Variants in NR6A1 observed in about 807,000 individuals in gnomAD.
NR6A1 encodes the protein retinoic acid receptor-related testis-associated receptor.
In NR6A1, 7 loss-of-function variants were observed where a neutral mutation model predicts 59.1. The observed-to-expected ratio is 0.12, with a 90% CI of 0.07 to 0.22. The LOEUF (loss-of-function observed/expected upper bound fraction) is 0.22. Among genes scored for constraint, NR6A1 ranks in the 10% least tolerant of loss-of-function variants. The pLI, the probability that NR6A1 is intolerant of heterozygous loss-of-function variation, is 1.00. For synonymous variants in NR6A1, 243 were observed against 236.1 expected (o/e 1.03, Z -0.27); for missense variants, 468 against 611.6 (o/e 0.77, Z 2.48).
At chr9:124,768,201 T>G (rs1168270267) in intron 1 of NR6A1, among the ~76,000 whole-genome samples, 3 of 152,242 alleles carry the variant, frequency 2.0e-5, no homozygotes, top group Non-Finnish European at 2.9e-5. Flanking sequence ...TATTTCTTCA[T>G]GACAGAGACC....
At chr9:124,633,588 C>T (rs1198632076) in intron 2 of NR6A1, among the ~76,000 whole-genome samples, 5 of 151,956 alleles carry the variant, frequency 3.3e-5, no homozygotes, top group African/African-American at 1.2e-4. Flanking sequence ...TAAGCAGGGC[C>T]CCTGGTACTG....
At chr9:124,548,511 A>G (rs1233464152) in intron 3 of NR6A1, among the ~76,000 whole-genome samples, 4 of 152,198 alleles carry the variant, frequency 2.6e-5, no homozygotes, top group Non-Finnish European at 5.9e-5. Flanking sequence ...GTAAAAAAAA[A>G]AGTTCATAAG....
intron 2 of NR6A1, among the ~76,000 whole-genome samples, chr9:124,692,147 T>C (rs1588792337): frequency 6.6e-6 from 1 of 152,198 alleles, no homozygotes; most frequent in Non-Finnish European, 1.5e-5. Flanking sequence ...AGATCCCCAA[T>C]ATATGTTAAT....
intron 4 of NR6A1, among the ~76,000 whole-genome samples, chr9:124,540,640 A>T (rs1833415259): frequency 6.6e-6 from 1 of 152,142 alleles, no homozygotes; most frequent in South Asian, 2.1e-4. Flanking sequence ...CTCTACAAAA[A>T]ATAGAAAAAT....
At chr9:124,595,186 C>T (rs1369021348) in intron 2 of NR6A1, among the ~76,000 whole-genome samples, 1 of 152,154 alleles carries the variant, frequency 6.6e-6, no homozygotes, top group Admixed American at 6.5e-5. Flanking sequence ...TACATACACA[C>T]ACATGCAGAA....
chr9:124,659,261 G>C (rs970061950), intron 2 of NR6A1, among the ~76,000 whole-genome samples: 4 of 151,894 alleles, frequency 2.6e-5, no homozygotes, highest in Non-Finnish European at 5.9e-5. Flanking sequence ...GGGTGAGACA[G>C]GTCAGCCAGC....
chr9:124,549,456 A>G (rs916054305), intron 3 of NR6A1, among the ~76,000 whole-genome samples: 3 of 152,170 alleles, frequency 2.0e-5, no homozygotes, highest in African/African-American at 7.2e-5. Flanking sequence ...TAAGGAACAT[A>G]CATGGGGGAT....
At chr9:124,693,859 G>T in intron 2 of NR6A1, 1 of 499,246 alleles carries the variant, frequency 2.0e-6, no homozygotes. Context: ...ACTGCTGTGA[G>T]TGGGAGCTGC....
chr9:124,762,819 AT>A (rs1338729134), intron 1 of NR6A1, among the ~76,000 whole-genome samples: 1 of 152,190 alleles, frequency 6.6e-6, no homozygotes, highest in African/African-American at 2.4e-5. Context: ...AATCATATTT[AT>A]TTCATCATCC....
chr9:124,769,426 C>G (rs946963767), intron 1 of NR6A1, among the ~76,000 whole-genome samples: 2 of 152,170 alleles, frequency 1.3e-5, no homozygotes, highest in Non-Finnish European at 2.9e-5. Context: ...GGCACGGATC[C>G]AACCCAAGAT....
rs187455778 is a variant in NR6A1 at position 124,552,055 on chromosome 9, G to A, written c.385+2273C>T. Reference sequence around the variant, plus strand: ...TGTGTCTTCTGACTATGGTCAGAGGGGTTATAAGGTTAAGTTTCTTCTTCC... The same window carrying A: ...TGTGTCTTCTGACTATGGTCAGAGGAGTTATAAGGTTAAGTTTCTTCTTCC... On this transcript the variant is annotated intron_variant, in intron 3 of 9. Coordinates refer to ENST00000487099, the MANE Select transcript of NR6A1 (RefSeq NM_033334.4). Among the ~76,000 whole-genome samples the A allele has an allele frequency of 6.0e-4, 91 of 152,258 alleles. No homozygotes were observed. The East Asian group carries it at 0.016, about 26-fold the overall frequency.
At chr9:124,718,435 G>A in intron 2 of NR6A1, among the ~76,000 whole-genome samples, 1 of 152,162 alleles carries the variant, frequency 6.6e-6, no homozygotes, top group East Asian at 1.9e-4. Context: ...TGCTACTTGA[G>A]GACTCTGATT....
At chr9:124,593,442 G>A (rs1278462733) in intron 2 of NR6A1, among the ~76,000 whole-genome samples, 2 of 152,140 alleles carry the variant, frequency 1.3e-5, no homozygotes, top group African/African-American at 4.8e-5. Context: ...CAGAGAGGGG[G>A]AGAGAGAGAA....
chr9:124,644,168 C>T (rs986830666), intron 2 of NR6A1, among the ~76,000 whole-genome samples: 4 of 151,938 alleles, frequency 2.6e-5, no homozygotes, highest in Admixed American at 2.0e-4. Flanking sequence ...TCCCAAAGTG[C>T]TGGGATTACA....
At chr9:124,640,467 G>A (rs1451286856) in intron 2 of NR6A1, among the ~76,000 whole-genome samples, 3 of 151,996 alleles carry the variant, frequency 2.0e-5, no homozygotes, top group East Asian at 1.9e-4. Context: ...TGGAGTGATC[G>A]TAGCTCACTG....
intron 2 of NR6A1, among the ~76,000 whole-genome samples, chr9:124,666,433 C>T (rs1837620553): frequency 6.6e-6 from 1 of 152,098 alleles, no homozygotes; most frequent in Non-Finnish European, 1.5e-5. Context: ...CATGCACCAC[C>T]ATGCCCACCT....
At chr9:124,588,919 CAAAAAAAAAAAAAA>C (rs1835017826) in intron 2 of NR6A1, among the ~76,000 whole-genome samples, 2 of 52,496 alleles carry the variant, frequency 3.8e-5, no homozygotes, top group South Asian at 6.1e-4. Context: ...GACTCTGTCT[CAAAAAAAAAAAAAA>C]GAAAGAAAAA....
intron 1 of NR6A1, among the ~76,000 whole-genome samples, chr9:124,768,866 G>C (rs1458278051): frequency 6.6e-6 from 1 of 152,028 alleles, no homozygotes; most frequent in Admixed American, 6.6e-5. Flanking sequence ...AGTAAAATCC[G>C]TCATCTACAT....
intron 2 of NR6A1, among the ~76,000 whole-genome samples, chr9:124,719,858 C>G (rs1023257362): frequency 7.9e-5 from 12 of 151,966 alleles, no homozygotes; most frequent in African/African-American, 2.9e-4. Flanking sequence ...GAGGTCGAGG[C>G]TGCAGTGAGC....
Sources: gnomAD v4.1 joint callset for allele counts (sites outside exome capture counted in the v4.1 genomes callset) on GRCh38, gnomAD v4.1.1 for gene constraint, MANE v1.5 for transcripts, NCBI Gene and HGNC (gene_info 2026-07-23, HGNC 2026-07-21) for gene names.